The following ASB14 variants were observed in gnomAD, a reference collection of about 807,000 sequenced individuals.
The protein encoded by ASB14 is ankyrin repeat and SOCS box containing 14, also known as ankyrin repeat and SOCS box protein 14.
In ASB14, 63 loss-of-function variants were observed where a neutral mutation model predicts 55.6. The observed-to-expected ratio is 1.13, with a 90% CI of 0.92 to 1.40. The LOEUF (loss-of-function observed/expected upper bound fraction) is 1.40. Among genes scored for constraint, ASB14 ranks in the 40% most tolerant of loss-of-function variants. ASB14 has a pLI of 0.00. For synonymous variants in ASB14, 256 were observed against 259.9 expected (o/e 0.98, Z 0.15); for missense variants, 724 against 710.4 (o/e 1.02, Z -0.22).
In ASB14 at chr3:57,269,347, C is replaced by T. The variant is rs1045834422; in HGVS notation, c.*294G>A. On this transcript the variant is annotated 3_prime_UTR_variant, in exon 11 of 11. Transcript: ENST00000487349. The stretch of plus-strand genomic sequence containing the variant: ...TATTAGATTTTAGTTTGAATGCTGG[C>T]TTTTATAGGATGGTGCCAAAATTCA... 2.0e-6 allele frequency: 1 copy of T among 492,524 alleles called. No individual in the cohort carries two copies. Among genetic ancestry groups the T allele is most frequent in the Non-Finnish European group, 3.5e-6 (1 of 283,902 alleles). The allele number at this position is 492,524 out of a possible 1,614,324, so 30.5% of individuals were successfully genotyped here.
chr3:57,279,276 T>C (rs1020678625), intron 7 of ASB14, among the ~76,000 whole-genome samples: 2 of 141,406 alleles, frequency 1.4e-5, no homozygotes, highest in Non-Finnish European at 1.5e-5. Flanking sequence ...TTTTTTTTTT[T>C]TTTTTTTTTT....
At chr3:57,274,383 T>C (rs1392077153) in intron 10 of ASB14, among the ~76,000 whole-genome samples, 1 of 152,144 alleles carries the variant, frequency 6.6e-6, no homozygotes, top group Non-Finnish European at 1.5e-5. Context: ...TTTCCACACA[T>C]AGAAATGTAT....
At position 57,283,250 on chromosome 3, in the gene ASB14, A is replaced by G. The variant is rs531943910; in HGVS notation, c.659T>C (p.Leu220Pro). ...DPQSTYGFTP[L>P]ALAAQSGHTE... The stretch of plus-strand genomic sequence containing the variant: ...GTGTCCACTTTGGGCAGCAAGAGCA[A>G]GAGGAGTGAATCCATACGTGCTCTG... The change falls in exon 6 of 11, where the codon CTT becomes CCT. Residue 220 changes from leucine (L) to proline (P), a missense_variant. By Grantham distance (98) the Leu-to-Pro change is moderately conservative (BLOSUM62 -3). Coordinates refer to ENST00000487349, the MANE Select transcript of ASB14 (RefSeq NM_001142733.3). The G allele has an allele frequency of 4.2e-5, 65 of 1,551,976 alleles. No homozygotes were observed. The highest frequency in any genetic ancestry group is 5.6e-5 in the Non-Finnish European group (64 of 1,147,018).
chr3:57,272,506 T>C (rs754924988), intron 10 of ASB14: 15 of 152,198 alleles, frequency 9.9e-5, no homozygotes, highest in Admixed American at 6.5e-5. Flanking sequence ...TTGCATTATA[T>C]CTAGGAACCA....
In ASB14 at chr3:57,277,860, T is replaced by C. The variant is rs373969006; in HGVS notation, c.1492A>G (p.Met498Val). ...QHLSGKVVRV[M>V]LDYVDQVRIC... ...CGAACTTGATCAACATAATCAAGCA[T>C]CACTCGAACAACCTTTCCAGAGAGA... Residue 498 changes from methionine (M) to valine (V), a missense_variant, in exon 9 of 11, where the codon ATG (methionine) becomes GTG (valine). Met to Val is a conservative substitution (Grantham distance 21). Coordinates refer to ENST00000487349, the MANE Select transcript of ASB14 (RefSeq NM_001142733.3). The C allele has an allele frequency of 1.7e-5, 28 of 1,613,746 alleles. No individual in the cohort carries two copies. The highest frequency in any genetic ancestry group is 2.3e-5 in the Non-Finnish European group (27 of 1,179,774).
intron 6 of ASB14, among the ~76,000 whole-genome samples, chr3:57,282,666 G>A (rs576058966): frequency 1.3e-5 from 2 of 152,212 alleles, no homozygotes; most frequent in South Asian, 4.2e-4. Flanking sequence ...GAGGCAACAT[G>A]GGTAGTTTAA....
chr3:57,278,952 TTGTTTTTAAGA>T, intron 7 of ASB14, 32 bp from the exon 8 acceptor site: 1 of 1,596,458 alleles, frequency 6.3e-7, no homozygotes, highest in Non-Finnish European at 8.6e-7. Flanking sequence ...CATTTCAACA[TTGTTTTTAAGA>T]TGTAGCACTA....
intron 5 of ASB14, among the ~76,000 whole-genome samples, chr3:57,286,171 C>T (rs926179545): frequency 1.3e-5 from 2 of 152,074 alleles, no homozygotes; most frequent in Non-Finnish European, 2.9e-5. Flanking sequence ...TGAAACCATT[C>T]TGATTTTTCA....
rs1029579308 is a variant in ASB14, at chr3:57,276,585, G to A, written c.1729C>T (p.Leu577Phe). 9.3e-6 allele frequency: 15 copies of A among 1,612,694 alleles called. No individual in the cohort carries two copies. Among genetic ancestry groups the A allele is most frequent in the Non-Finnish European group, 1.3e-5 (15 of 1,179,368 alleles). ...KAYVLYKEYDLYGQGIFTGTW is the reference protein window; with the variant it reads ...KAYVLYKEYDFYGQGIFTGTW Reference sequence around the variant, plus strand: ...CCTGTAAAAATTCCTTGTCCATAAAGGTCGTATTCTTTGTAAAGGACATAT... The same window carrying A: ...CCTGTAAAAATTCCTTGTCCATAAAAGTCGTATTCTTTGTAAAGGACATAT... The change falls in exon 10 of 11, where the codon CTT becomes TTT. Residue 577 changes from leucine to phenylalanine, a missense_variant. Leu to Phe is a conservative substitution (Grantham distance 22). Coordinates refer to ENST00000487349, the MANE Select transcript of ASB14 (RefSeq NM_001142733.3).
intron 5 of ASB14, among the ~76,000 whole-genome samples, chr3:57,284,597 T>C (rs1482569801): frequency 2.6e-5 from 4 of 152,236 alleles, no homozygotes; most frequent in Non-Finnish European, 5.9e-5. Context: ...TCATTTGACC[T>C]ACCAGATAGG....
At chr3:57,284,126 A>G (rs9847946) in intron 5 of ASB14, among the ~76,000 whole-genome samples, 10,791 of 52,568 alleles carry the variant, frequency 0.21, 1,327 homozygotes, top group African/African-American at 0.4. Context: ...GTGTGTGTGT[A>G]TGTATGTAAA....
chr3:57,269,441 TA>T lies in ASB14; in HGVS notation c.*199del. The T allele has an allele frequency of 8.4e-7, 1 of 1,189,960 alleles. No homozygotes were observed. 73.7% of individuals were successfully genotyped at this position (1,189,960 alleles called of 1,614,324 possible). A position where few individuals can be genotyped will look rare whatever the true frequency, so the allele number is the denominator to read the frequency against. ...GTTGTCAGAAGTATGCATACATATT[TA>T]TGACAGAAGAAGTGGCTCTCAAGAA... On this transcript the variant is annotated 3_prime_UTR_variant, in exon 11 of 11. Transcript: ENST00000487349.
intron 10 of ASB14, chr3:57,270,863 TAGG>T (rs1294318756): frequency 1.3e-5 from 2 of 152,180 alleles, no homozygotes; most frequent in Non-Finnish European, 2.9e-5. Flanking sequence ...TAGTAGAGTA[TAGG>T]AGAAGTTGAC....
intron 6 of ASB14, among the ~76,000 whole-genome samples, chr3:57,282,349 T>C (rs1278249257): frequency 2.6e-5 from 4 of 152,210 alleles, no homozygotes; most frequent in African/African-American, 9.7e-5. Context: ...AATTCTATTA[T>C]TGAGACTTTT....
In ASB14 at chr3:57,283,360, C is replaced by T. The variant is rs2061053821; in HGVS notation, c.549G>A (p.Glu183=). ...GADVNLRCAN[E]RTALHEAAKL... is the part of the protein sequence containing the mutation. ...TGGCTGCTTCGTGGAGAGCTGTCCTCTCGTTGGCACAACGCAGATTGACAT... is the reference window on the plus strand; with the variant it reads ...TGGCTGCTTCGTGGAGAGCTGTCCTTTCGTTGGCACAACGCAGATTGACAT... The change falls in exon 6 of 11, where the codon GAG becomes GAA. Residue 183 remains glutamate, a synonymous_variant. Coordinates refer to ENST00000487349, the MANE Select transcript of ASB14 (RefSeq NM_001142733.3). 1 of 1,551,708 alleles carries T rather than the reference C, an allele frequency of 6.4e-7. No homozygotes were observed. The highest frequency in any genetic ancestry group is 1.2e-5 in the South Asian group (1 of 84,068).
At position 57,278,473 on chromosome 3, in the gene ASB14, A is replaced by G; in HGVS notation, c.1335T>C (p.Tyr445=). 3 of 1,614,234 alleles carry G rather than the reference A, an allele frequency of 1.9e-6. No homozygotes were observed. The highest frequency in any genetic ancestry group is 2.5e-6 in the Non-Finnish European group (3 of 1,180,032). ...VMLRMLLNYG[Y]DTERCFDCPH... is the part of the protein sequence containing the mutation. ...GGCAATCAAAACATCGCTCTGTGTC[A>G]TACCCATAGTTCAGCAGCATCCTGA... Residue 445 remains tyrosine, a synonymous_variant, in exon 8 of 11, where the codon TAT becomes TAC. Transcript: ENST00000487349.
chr3:57,278,923 GAGAA>G lies in ASB14; in HGVS notation c.888-7_888-4del. 4 of 1,605,114 alleles carry G rather than the reference GAGAA, an allele frequency of 2.5e-6. No individual in the cohort carries two copies. Among genetic ancestry groups the G allele is most frequent in the South Asian group, 1.1e-5 (1 of 90,636 alleles). On this transcript the variant is annotated splice_region_variant and splice_polypyrimidine_tract_variant and intron_variant, in intron 7 of 10. Transcript: ENST00000487349. ...CTGGAATCAGTATCTTTAGAGCTCT[GAGAA>G]AGAATTTCAAAATGCATTTCAACAT... is the stretch of plus-strand genomic sequence containing the variant.
chr3:57,278,502 T>C lies in ASB14; in HGVS notation c.1306A>G (p.Met436Val), dbSNP rs369626874. 20 of 1,614,116 alleles carry C rather than the reference T, an allele frequency of 1.2e-5. No homozygotes were observed. The highest frequency in any genetic ancestry group is 1.7e-5 in the Non-Finnish European group (20 of 1,180,032). The change falls in exon 8 of 11, where the codon ATG becomes GTG. Residue 436 changes from methionine to valine, a missense_variant. Physicochemically the swap from Met to Val is conservative, Grantham distance 21. Coordinates refer to ENST00000487349, the MANE Select transcript of ASB14 (RefSeq NM_001142733.3). ...ALQYTLKDEV[M>V]LRMLLNYGYD... ...CCATAGTTCAGCAGCATCCTGAGCA[T>C]GACTTCATCTTTCAGAGTGTATTGC... is the stretch of plus-strand genomic sequence containing the variant.
intron 10 of ASB14, chr3:57,269,841 G>A: frequency 1.1e-6 from 1 of 871,846 alleles, no homozygotes; most frequent in Non-Finnish European, 1.7e-6. Flanking sequence ...GATTGAACTT[G>A]ATGACTTAGG....
Sources: allele counts gnomAD v4.1 joint callset (sites outside exome capture counted in the v4.1 genomes callset), GRCh38; gene constraint gnomAD v4.1.1; transcripts MANE v1.5; gene names NCBI Gene and HGNC (gene_info 2026-07-23, HGNC 2026-07-21).